Variants in ADAMTS3 observed in about 807,000 individuals in gnomAD.
ADAMTS3 encodes A disintegrin and metalloproteinase with thrombospondin motifs 3.
A neutral mutation model predicts 129.0 loss-of-function variants in ADAMTS3; 73 were observed. That is an observed-to-expected ratio of 0.57 (90% CI 0.47 to 0.69). The LOEUF is 0.69. Among genes scored for constraint, ADAMTS3 ranks in the 30% least tolerant of loss-of-function variants. ADAMTS3 has a pLI of 0.00. For missense variants in ADAMTS3, 1,457 were observed against 1,514.5 expected, an observed-to-expected ratio of 0.96 and a Z score of 0.63; for synonymous variants, 477 against 510.8, an observed-to-expected ratio of 0.93 and a Z score of 0.89.
chr4:72,370,123 C>T (rs573431634), intron 4 of ADAMTS3, among the ~76,000 whole-genome samples: 26 of 152,250 alleles, frequency 1.7e-4, no homozygotes, highest in South Asian at 6.2e-4. Flanking sequence ...TCCTAGAGCC[C>T]GGTCATTTTA....
At chr4:72,432,678 C>G (rs189068720) in intron 3 of ADAMTS3, among the ~76,000 whole-genome samples, 2 of 151,810 alleles carry the variant, frequency 1.3e-5, no homozygotes, top group Non-Finnish European at 1.5e-5. Flanking sequence ...ACTTTGGAAC[C>G]GAAAATGATC....
chr4:72,399,971 ATGCACACACGGTGTG>A (rs1721853336), intron 4 of ADAMTS3, among the ~76,000 whole-genome samples: 2 of 1,412 alleles, frequency 1.4e-3, no homozygotes, highest in South Asian at 0.5. Flanking sequence ...GTGTGTATAT[ATGCACACACGGTGTG>A]TATATACGTG....
At chr4:72,567,229 A>C (rs1722039547) in intron 2 of ADAMTS3, 145 bp downstream of exon 2, 2 of 795,118 alleles carry the variant, frequency 2.5e-6, no homozygotes, top group East Asian at 5.4e-5. Flanking sequence ...AGAAAGAGGA[A>C]GAGAAGAACA....
rs77109974 is a variant in ADAMTS3, at chr4:72,324,343, C to T, written c.862-1246G>A. 3.5e-3 allele frequency among the ~76,000 whole-genome samples: 531 copies of T among 152,232 alleles called. 1 individual carries two copies. The highest frequency in any genetic ancestry group is 0.013 in the African/African-American group (521 of 41,534). ...CAATTGAATTGTTTCAAGAATCCAA[C>T]GTGACTGCACAGAACACCTTTAAAA... On this transcript the variant is annotated intron_variant, in intron 5 of 21. Transcript: ENST00000286657.
At position 72,295,057 on chromosome 4, in the gene ADAMTS3, G is replaced by A. The variant is rs566675084; in HGVS notation, c.2723+597C>T. The stretch of plus-strand genomic sequence containing the variant: ...GATTGATACTGAGAAAGAGAGTTTG[G>A]GAATGAATTAGGGAAAAGTAGTAGA... On this transcript the variant is annotated intron_variant, in intron 19 of 21. Transcript: ENST00000286657. 6.6e-5 allele frequency among the ~76,000 whole-genome samples: 10 copies of A among 151,960 alleles called. No individual in the cohort carries two copies. The East Asian group carries it at 1.9e-3, about 29-fold the overall frequency.
At chr4:72,293,081 C>A (rs577842872) in intron 19 of ADAMTS3, among the ~76,000 whole-genome samples, 2 of 152,258 alleles carry the variant, frequency 1.3e-5, no homozygotes, top group East Asian at 1.9e-4. Context: ...AATTTTGGAA[C>A]CTAGAAGACA....
intron 3 of ADAMTS3, among the ~76,000 whole-genome samples, chr4:72,540,280 G>A (rs1402759654): frequency 6.6e-6 from 1 of 152,154 alleles, no homozygotes; most frequent in Admixed American, 6.5e-5. Context: ...CTGCCTTAGA[G>A]TTTTGTGGAA....
intron 3 of ADAMTS3, among the ~76,000 whole-genome samples, chr4:72,484,111 C>T (rs1333184542): frequency 2.0e-5 from 3 of 152,130 alleles, no homozygotes; most frequent in African/African-American, 7.2e-5. Flanking sequence ...CTCCCTCAAT[C>T]CCATCTAATT....
In ADAMTS3 at chr4:72,306,073, C is replaced by T. The variant is rs773224822; in HGVS notation, c.2180-6G>A. The stretch of plus-strand genomic sequence containing the variant: ...ATCAAACATCTTAAGGTACCCTTTG[C>T]ATGTGTAGTAAATATTGTAGGAAGC... On this transcript the variant is annotated splice_region_variant and splice_polypyrimidine_tract_variant and intron_variant, in intron 15 of 21. Transcript: ENST00000286657. 9 of 1,594,986 alleles carry T rather than the reference C, an allele frequency of 5.6e-6. No individual in the cohort carries two copies. In the East Asian group the frequency reaches 1.8e-4, roughly 32 times the overall value.
At chr4:72,323,635 G>C (rs1281564683) in intron 5 of ADAMTS3, among the ~76,000 whole-genome samples, 1 of 152,146 alleles carries the variant, frequency 6.6e-6, no homozygotes, top group African/African-American at 2.4e-5. Context: ...ATGACTGCTT[G>C]AAAGTCCTAC....
rs1553922657 is a variant in ADAMTS3, at chr4:72,549,962, A to AAG, written c.98-1079_98-1078insCT. 6.8e-4 allele frequency among the ~76,000 whole-genome samples: 21 copies of AAG among 30,912 alleles called. 1 individual carries two copies. The highest frequency in any genetic ancestry group is 2.3e-3 in the South Asian group (2 of 856). 20.3% of individuals were successfully genotyped at this position (30,912 alleles called of 152,430 possible). Reference sequence around the variant, plus strand: ...AGGGCAACAAGGGTAAAAAAAAAAAAAAGAAGAAGAAGAAGAAGAAGAAGA... The same window carrying AAG: ...AGGGCAACAAGGGTAAAAAAAAAAAAAGAAGAAGAAGAAGAAGAAGAAGAAGA... On this transcript the variant is annotated intron_variant, in intron 2 of 21. Coordinates refer to ENST00000286657, the MANE Select transcript of ADAMTS3 (RefSeq NM_014243.3).
At chr4:72,504,889 A>C (rs1720116983) in intron 3 of ADAMTS3, among the ~76,000 whole-genome samples, 1 of 152,180 alleles carries the variant, frequency 6.6e-6, no homozygotes, top group African/African-American at 2.4e-5. Flanking sequence ...GAAATTTCTT[A>C]GGTGAGGTTT....
intron 3 of ADAMTS3, among the ~76,000 whole-genome samples, chr4:72,450,922 G>GGGAA (rs4019789): frequency 0.61 from 87,668 of 143,756 alleles, 27,333 homozygotes; most frequent in South Asian, 0.77. Flanking sequence ...GAGGAGAGCA[G>GGGAA]GGAAGGAAGG....
chr4:72,304,644 A>G (rs555889299), intron 16 of ADAMTS3, among the ~76,000 whole-genome samples: 14 of 152,202 alleles, frequency 9.2e-5, no homozygotes, highest in South Asian at 8.3e-4. Context: ...CTTACTGCTA[A>G]TGGAATTCTT....
chr4:72,345,875 TCTGA>T (rs574434211), intron 4 of ADAMTS3, among the ~76,000 whole-genome samples: 1 of 152,122 alleles, frequency 6.6e-6, no homozygotes, highest in Non-Finnish European at 1.5e-5. Flanking sequence ...AAATATGAAC[TCTGA>T]CTGGCAGTAA....
chr4:72,445,978 AG>A (rs1378492123), intron 3 of ADAMTS3, among the ~76,000 whole-genome samples: 2 of 151,748 alleles, frequency 1.3e-5, no homozygotes, highest in African/African-American at 4.8e-5. Flanking sequence ...TTGAGCTGCA[AG>A]TAACAGAAGA....
chr4:72,511,551 A>G (rs1460445672), intron 3 of ADAMTS3, among the ~76,000 whole-genome samples: 1 of 152,246 alleles, frequency 6.6e-6, no homozygotes, highest in Non-Finnish European at 1.5e-5. Flanking sequence ...AATGCAAATT[A>G]AAACTACAAT....
chr4:72,493,176 C>G (rs1341752987), intron 3 of ADAMTS3, among the ~76,000 whole-genome samples: 1 of 151,836 alleles, frequency 6.6e-6, no homozygotes, highest in African/African-American at 2.4e-5. Flanking sequence ...GCCATTCTAT[C>G]CTATGACTTT....
Position 72,283,625 on chromosome 4 carries a change from G to A in ADAMTS3, c.3129C>T (p.Asn1043=). 2 of 1,613,934 alleles carry A rather than the reference G, an allele frequency of 1.2e-6. No individual in the cohort carries two copies. The highest frequency in any genetic ancestry group is 3.3e-5 in the Admixed American group (2 of 60,006). ...LARYCSIPGY[N]KLCCESCSKR... is the part of the protein sequence containing the mutation. ...TGCTGCAGGACTCACAACATAACTT[G>A]TTATAACCTGGTATGGAGCAGTATC... Residue 1043 remains asparagine, a synonymous_variant, in exon 22 of 22, where the codon AAC becomes AAT. Coordinates refer to ENST00000286657, the MANE Select transcript of ADAMTS3 (RefSeq NM_014243.3).
Sources: allele counts gnomAD v4.1 joint callset (sites outside exome capture counted in the v4.1 genomes callset), GRCh38; gene constraint gnomAD v4.1.1; transcripts MANE v1.5; gene names NCBI Gene and HGNC (gene_info 2026-07-23, HGNC 2026-07-21).